GORAB: variants seen among roughly 807,000 people sequenced by gnomAD.
The protein encoded by GORAB is golgin, RAB6 interacting.
A neutral mutation model predicts 29.9 loss-of-function variants in GORAB; 17 were observed. The ratio of observed to expected loss-of-function variants is 0.57; its 90% confidence interval spans 0.39 to 0.85. The LOEUF (loss-of-function observed/expected upper bound fraction) is 0.85, where lower values mean the gene tolerates loss of function less well. Ranked by LOEUF, GORAB falls within the 40% of genes least tolerant of loss-of-function variation. GORAB has a pLI of 0.00. For missense variants in GORAB, 442 were observed against 437.8 expected (o/e 1.01, Z -0.09); for synonymous variants, 183 against 157.2 (o/e 1.16, Z -1.23).
At chr1:170,543,858 G>A (rs1326092472) in intron 3 of GORAB, among the ~76,000 whole-genome samples, 5 of 152,150 alleles carry the variant, frequency 3.3e-5, no homozygotes, top group Non-Finnish European at 5.9e-5. Context: ...AGTACTTGAC[G>A]TAAAAGAATC....
rs561578722 is a variant in GORAB, at chr1:170,539,194, A to C, written c.62-16A>C. On this transcript the variant is annotated splice_polypyrimidine_tract_variant and intron_variant, in intron 1 of 4. Coordinates refer to ENST00000367763, the MANE Select transcript of GORAB (RefSeq NM_152281.3). ...TGCCCACACAAAGGAATTTTCCTCT[A>C]TTTTCTTTTACATAGATCCATTTGA... 1.5e-5 allele frequency: 24 copies of C among 1,613,808 alleles called. No homozygotes were observed. Among genetic ancestry groups the C allele is most frequent in the Non-Finnish European group, 1.9e-5 (22 of 1,179,912 alleles).
Position 170,538,946 on chromosome 1 carries a change from C to G in GORAB, c.62-264C>G, listed in dbSNP as rs1649218889. The stretch of plus-strand genomic sequence containing the variant: ...TGAAAAAGAAACTTCACTTTGTGAC[C>G]TAAGGCCTAACTCACTGATGGACTT... On this transcript the variant is annotated intron_variant, in intron 1 of 4. Coordinates refer to ENST00000367763, the MANE Select transcript of GORAB (RefSeq NM_152281.3). The G allele has an allele frequency of 6.3e-6, 3 of 479,328 alleles. No individual in the cohort carries two copies. In the South Asian group the frequency reaches 8.6e-5, roughly 14 times the overall value. The allele number at this position is 479,328 out of a possible 1,614,324, so 29.7% of individuals were successfully genotyped here.
intron 3 of GORAB, 93 bp downstream of exon 3, chr1:170,542,685 G>A (rs1339124304): frequency 1.2e-6 from 1 of 869,310 alleles, no homozygotes; most frequent in Admixed American, 1.7e-5. Context: ...TTAATAAACT[G>A]ATATTTTTTC....
rs1273738993 is a variant in GORAB, at chr1:170,553,133, CTATTT to C, written c.*676_*680del. ...TTATATATAAACACATGTAATTTTA[CTATTT>C]TATTGTCTTTCCTTTAATCGATGAA... On this transcript the variant is annotated 3_prime_UTR_variant, in exon 5 of 5. Coordinates refer to ENST00000367763, the MANE Select transcript of GORAB (RefSeq NM_152281.3). 4.5e-6 allele frequency: 2 copies of C among 439,818 alleles called. No homozygotes were observed. The highest frequency in any genetic ancestry group is 1.7e-5 in the South Asian group (1 of 60,430). 27.2% of individuals were successfully genotyped at this position (439,818 alleles called of 1,614,324 possible). A position where few individuals can be genotyped will look rare whatever the true frequency, so the allele number is the denominator to read the frequency against.
chr1:170,534,924 A>G (rs1648961300), intron 1 of GORAB, among the ~76,000 whole-genome samples: 1 of 152,232 alleles, frequency 6.6e-6, no homozygotes, highest in Non-Finnish European at 1.5e-5. Context: ...TTATGAAATC[A>G]GGTTAAGACA....
chr1:170,552,527 C>A lies in GORAB; in HGVS notation c.*65C>A. The A allele has an allele frequency of 1.6e-6, 2 of 1,256,684 alleles. No individual in the cohort carries two copies. Among genetic ancestry groups the A allele is most frequent in the African/African-American group, 1.5e-5 (1 of 68,080 alleles). 77.8% of individuals were successfully genotyped at this position (1,256,684 alleles called of 1,614,324 possible). A position where few individuals can be genotyped will look rare whatever the true frequency, so the allele number is the denominator to read the frequency against. ...AGTATACTTTTTGCAGTAGATCATG[C>A]CCTGACCTCCAATAAAAACCTCTTT... On this transcript the variant is annotated 3_prime_UTR_variant, in exon 5 of 5. Coordinates refer to ENST00000367763, the MANE Select transcript of GORAB (RefSeq NM_152281.3).
intron 4 of GORAB, among the ~76,000 whole-genome samples, chr1:170,551,178 C>T (rs1650082698): frequency 6.6e-6 from 1 of 152,168 alleles, no homozygotes; most frequent in South Asian, 2.1e-4. Flanking sequence ...TGCCTGGGGA[C>T]ATTTTTGGTT....
intron 4 of GORAB, among the ~76,000 whole-genome samples, chr1:170,548,330 G>C (rs1260211169): frequency 1.2e-5 from 1 of 83,998 alleles, no homozygotes; most frequent in Non-Finnish European, 2.3e-5. Context: ...GGTCCAGCTG[G>C]ATAATCTGGA....
At chr1:170,537,709 T>G (rs1475791107) in intron 1 of GORAB, among the ~76,000 whole-genome samples, 2 of 152,202 alleles carry the variant, frequency 1.3e-5, no homozygotes. Flanking sequence ...CTTACGCTTC[T>G]CAGTTCACCA....
intron 4 of GORAB, among the ~76,000 whole-genome samples, chr1:170,546,803 G>C (rs1649791434): frequency 6.6e-6 from 1 of 152,074 alleles, no homozygotes; most frequent in Non-Finnish European, 1.5e-5. Context: ...TCCTGCCTCA[G>C]CCTCCTGAGT....
chr1:170,533,387 T>G (rs1648836826), intron 1 of GORAB: 1 of 306,080 alleles, frequency 3.3e-6, no homozygotes, highest in Non-Finnish European at 7.0e-6. Flanking sequence ...TGTAGTTAAC[T>G]GACTCTGTGT....
intron 4 of GORAB, chr1:170,545,839 G>C: frequency 4.7e-6 from 3 of 632,388 alleles, no homozygotes; most frequent in Non-Finnish European, 5.9e-6. Context: ...TGGACCATAT[G>C]CTATTAGACT....
rs1173783304 is a variant in GORAB at position 170,553,135 on chromosome 1, A to G, written c.*673A>G. On this transcript the variant is annotated 3_prime_UTR_variant, in exon 5 of 5. Transcript: ENST00000367763. ...ATATATAAACACATGTAATTTTACT[A>G]TTTTATTGTCTTTCCTTTAATCGAT... is the stretch of plus-strand genomic sequence containing the variant. 9.1e-6 allele frequency: 4 copies of G among 438,646 alleles called. No individual in the cohort carries two copies. The highest frequency in any genetic ancestry group is 8.1e-5 in the African/African-American group (4 of 49,088). 27.2% of individuals were successfully genotyped at this position (438,646 alleles called of 1,614,324 possible). A position where few individuals can be genotyped will look rare whatever the true frequency, so the allele number is the denominator to read the frequency against.
intron 1 of GORAB, among the ~76,000 whole-genome samples, chr1:170,534,879 T>C (rs753149588): frequency 3.9e-5 from 6 of 152,172 alleles, no homozygotes; most frequent in Non-Finnish European, 8.8e-5. Context: ...CGTGGGAATG[T>C]GATCAGGGAG....
In GORAB at chr1:170,534,318, T is replaced by C. The variant is rs1648911001; in HGVS notation, c.61+2034T>C. Among the ~76,000 whole-genome samples, 7 of 152,364 alleles carry C rather than the reference T, an allele frequency of 4.6e-5. No individual in the cohort carries two copies. In the South Asian group the frequency reaches 1.2e-3, roughly 27 times the overall value. ...CAACACAAGTTTGAACTGTGATGGT[T>C]CACTTATACACAAATGTGCATTTAA... On this transcript the variant is annotated intron_variant, in intron 1 of 4. Coordinates refer to ENST00000367763, the MANE Select transcript of GORAB (RefSeq NM_152281.3).
chr1:170,535,460 A>G (rs1649002152), intron 1 of GORAB, among the ~76,000 whole-genome samples: 1 of 152,250 alleles, frequency 6.6e-6, no homozygotes, highest in African/African-American at 2.4e-5. Context: ...GTTATTCTTC[A>G]TACTGATTCT....
At chr1:170,534,114 A>C (rs559244298) in intron 1 of GORAB, among the ~76,000 whole-genome samples, 1 of 152,324 alleles carries the variant, frequency 6.6e-6, no homozygotes, top group Non-Finnish European at 1.5e-5. Flanking sequence ...TCTTGTTTAT[A>C]ATATTAAGAA....
intron 1 of GORAB, among the ~76,000 whole-genome samples, chr1:170,537,284 A>G (rs889588035): frequency 6.6e-6 from 1 of 152,280 alleles, no homozygotes; most frequent in South Asian, 2.1e-4. Context: ...TAGCCATTGC[A>G]TTGTGAGCAG....
At chr1:170,543,368 T>C (rs1020555483) in intron 3 of GORAB, among the ~76,000 whole-genome samples, 1 of 152,220 alleles carries the variant, frequency 6.6e-6, no homozygotes, top group African/African-American at 2.4e-5. Flanking sequence ...ATTTTCTTTT[T>C]AGACTTCCAG....
Sources: gnomAD v4.1 joint callset for allele counts (sites outside exome capture counted in the v4.1 genomes callset) on GRCh38, gnomAD v4.1.1 for gene constraint, MANE v1.5 for transcripts, NCBI Gene and HGNC (gene_info 2026-07-23, HGNC 2026-07-21) for gene names.